The following CFAP92 variants were observed in gnomAD, a reference collection of about 807,000 sequenced individuals.
CFAP92 encodes the protein cilia and flagella associated protein 92 (putative), also known as uncharacterized protein CFAP92.
A neutral mutation model predicts 106.3 loss-of-function variants in CFAP92; 86 were observed. That is an observed-to-expected ratio of 0.81 (90% CI 0.68 to 0.97). CFAP92 has a LOEUF of 0.97. Ranked by LOEUF, CFAP92 falls within the 50% of genes least tolerant of loss-of-function variation. The probability of loss-of-function intolerance (pLI) is 0.00; values close to 1 mark genes in which losing one functional copy is unlikely to be tolerated. For synonymous variants in CFAP92, 477 were observed against 506.4 expected, an observed-to-expected ratio of 0.94 and a Z score of 0.78; for missense variants, 1,204 against 1,283.8, an observed-to-expected ratio of 0.94 and a Z score of 0.95.
At chr3:128,963,539 C>A (rs565717505) in intron 9 of CFAP92, among the ~76,000 whole-genome samples, 113 of 152,210 alleles carry the variant, frequency 7.4e-4, no homozygotes, top group East Asian at 6.2e-3. Context: ...GGACTTCAAT[C>A]TGGCCTCCCA....
intron 3 of CFAP92, among the ~76,000 whole-genome samples, chr3:128,988,412 G>A (rs1374154518): frequency 2.0e-5 from 3 of 152,074 alleles, no homozygotes; most frequent in African/African-American, 4.8e-5. Context: ...ATGGTGGCTC[G>A]TGCTTGTAAT....
intron 12 of CFAP92, among the ~76,000 whole-genome samples, chr3:128,919,620 G>C (rs1381263652): frequency 6.6e-6 from 1 of 152,184 alleles, no homozygotes; most frequent in Non-Finnish European, 1.5e-5. Flanking sequence ...CTGGAGAAAA[G>C]GGAAATAATG....
intron 4 of CFAP92, among the ~76,000 whole-genome samples, chr3:128,980,785 A>G (rs991143825): frequency 2.0e-5 from 3 of 152,164 alleles, no homozygotes; most frequent in African/African-American, 7.2e-5. Context: ...CATCTGTTCA[A>G]ATTTGATCAT....
At chr3:128,974,453 T>C (rs147399861) in intron 7 of CFAP92, among the ~76,000 whole-genome samples, 2 of 152,300 alleles carry the variant, frequency 1.3e-5, no homozygotes, top group Non-Finnish European at 2.9e-5. Flanking sequence ...CTTGACAGTA[T>C]GTGAATAAGA....
At chr3:128,946,222 T>C (rs1361435882) in intron 9 of CFAP92, among the ~76,000 whole-genome samples, 1 of 151,934 alleles carries the variant, frequency 6.6e-6, no homozygotes, top group Non-Finnish European at 1.5e-5. Context: ...ATTCGTTACT[T>C]ATTTTCCTCC....
intron 12 of CFAP92, among the ~76,000 whole-genome samples, chr3:128,925,752 A>G (rs1683778): frequency 0.25 from 37,548 of 152,044 alleles, 5,087 homozygotes; most frequent in East Asian, 0.58. Context: ...ACCTACAAAC[A>G]TCATCATAAA....
At chr3:129,020,697 G>C in the CFAP92 span, among the ~76,000 whole-genome samples, 1 of 152,188 alleles carries the variant, frequency 6.6e-6, no homozygotes, top group African/African-American at 2.4e-5. Flanking sequence ...GACTTGGTAA[G>C]GCACGCTTAT....
chr3:129,001,808 G>A (rs1476008561), intron 1 of CFAP92: 6 of 1,545,506 alleles, frequency 3.9e-6, no homozygotes, highest in African/African-American at 2.8e-5. Context: ...AGTACCTGCA[G>A]GAGGTCTTCC....
Position 128,965,374 on chromosome 3 carries a change from A to G in CFAP92, c.1353+137T>C, listed in dbSNP as rs947809419. The G allele has an allele frequency of 5.2e-4, 206 of 396,284 alleles. 1 individual carries two copies. The highest frequency in any genetic ancestry group is 5.7e-4 in the African/African-American group (28 of 48,696). The allele number at this position is 396,284 out of a possible 1,614,324, so 24.5% of individuals were successfully genotyped here. On this transcript the variant is annotated intron_variant, in intron 9 of 15. Coordinates refer to ENST00000645291, the MANE Select transcript of CFAP92 (RefSeq NM_001394090.1). ...GTTGCTCACACAAAGCCTGTTTGGT[A>G]GTCTCTTCACACGGACCCGTATGAG...
intron 2 of CFAP92, among the ~76,000 whole-genome samples, chr3:128,989,896 A>T (rs745430216): frequency 6.6e-6 from 1 of 152,214 alleles, no homozygotes; most frequent in African/African-American, 2.4e-5. Context: ...GTGGACAAAC[A>T]GAGCCTCTCA....
At chr3:128,963,673 C>T (rs7645104) in intron 9 of CFAP92, among the ~76,000 whole-genome samples, 97,956 of 146,430 alleles carry the variant, frequency 0.67, 34,381 homozygotes, top group African/African-American at 0.9. Context: ...GATTTATTGA[C>T]GGCAGTTCCA....
chr3:129,025,850 G>A, the CFAP92 span, among the ~76,000 whole-genome samples: 5 of 152,212 alleles, frequency 3.3e-5, no homozygotes, highest in African/African-American at 4.8e-5. Context: ...CTCTCCAGAT[G>A]GCTCTGTTCT....
At chr3:128,929,859 CTA>C (rs1401291393) in intron 12 of CFAP92, among the ~76,000 whole-genome samples, 11 of 152,108 alleles carry the variant, frequency 7.2e-5, no homozygotes, top group African/African-American at 2.7e-4. Context: ...GGTGTTATAA[CTA>C]TAAATTTACT....
chr3:128,998,534 C>A (rs1259598574), upstream of CFAP92, among the ~76,000 whole-genome samples: 1 of 152,062 alleles, frequency 6.6e-6, no homozygotes, highest in Non-Finnish European at 1.5e-5. Context: ...CACAAGTTTC[C>A]AAAAAACAGG....
chr3:128,924,642 T>C (rs1937538461), intron 12 of CFAP92, among the ~76,000 whole-genome samples: 1 of 151,322 alleles, frequency 6.6e-6, no homozygotes, highest in African/African-American at 2.4e-5. Context: ...AGATGGGGTT[T>C]CTCCATGTTG....
At position 128,916,287 on chromosome 3, in the gene CFAP92, C is replaced by G; in HGVS notation, c.2752-16G>C. 1 of 1,231,812 alleles carries G rather than the reference C, an allele frequency of 8.1e-7. No homozygotes were observed. The highest frequency in any genetic ancestry group is 4.1e-5 in the South Asian group (1 of 24,310). 76.3% of individuals were successfully genotyped at this position (1,231,812 alleles called of 1,614,324 possible). The stretch of plus-strand genomic sequence containing the variant: ...TGATATTTTTCTGAAGAAAGAGACA[C>G]CAGTCACTACCCACACCAGGTCATC... On this transcript the variant is annotated splice_polypyrimidine_tract_variant and intron_variant, in intron 12 of 15. Transcript: ENST00000645291.
Position 128,965,706 on chromosome 3 carries a change from T to A in CFAP92, c.1169-11A>T, listed in dbSNP as rs1323452645. 1 of 397,436 alleles carries A rather than the reference T, an allele frequency of 2.5e-6. No homozygotes were observed. Among genetic ancestry groups the A allele is most frequent in the African/African-American group, 2.1e-5 (1 of 48,122 alleles). The allele number at this position is 397,436 out of a possible 1,614,324, so 24.6% of individuals were successfully genotyped here. A position where few individuals can be genotyped will look rare whatever the true frequency, so the allele number is the denominator to read the frequency against. On this transcript the variant is annotated splice_polypyrimidine_tract_variant and intron_variant, in intron 8 of 15. Coordinates refer to ENST00000645291, the MANE Select transcript of CFAP92 (RefSeq NM_001394090.1). ...CGACAGTTTGCCATCCTGGGGGAAA[T>A]ACACCCAGCATTAGACCTTTCCTCC...
intron 7 of CFAP92, among the ~76,000 whole-genome samples, chr3:128,972,068 G>A (rs941871621): frequency 1.3e-5 from 2 of 152,152 alleles, no homozygotes; most frequent in Non-Finnish European, 2.9e-5. Flanking sequence ...TGCCAGAAGT[G>A]GCATTTCAAA....
At chr3:128,910,885 G>A (rs1358978155) in intron 15 of CFAP92, 4 of 1,557,804 alleles carry the variant, frequency 2.6e-6, no homozygotes, top group Admixed American at 3.3e-5. Flanking sequence ...AGCTGTTTCT[G>A]GACCCTGTCA....
Sources: gnomAD v4.1 joint callset for allele counts (sites outside exome capture counted in the v4.1 genomes callset) on GRCh38, gnomAD v4.1.1 for gene constraint, MANE v1.5 for transcripts, NCBI Gene and HGNC (gene_info 2026-07-23, HGNC 2026-07-21) for gene names.